The following NCAPD2 variants were observed in gnomAD, a reference collection of about 807,000 sequenced individuals.
The protein encoded by NCAPD2 is non-SMC condensin I complex subunit D2.
In NCAPD2, 100 loss-of-function variants were observed where a neutral mutation model predicts 164.5. The ratio of observed to expected loss-of-function variants is 0.61; its 90% CI spans 0.52 to 0.72. The LOEUF is 0.72. Among genes scored for constraint, NCAPD2 ranks in the 30% least tolerant of loss-of-function variants. The pLI is 0.00. For synonymous variants in NCAPD2, 585 were observed against 642.6 expected (o/e 0.91, Z 1.36); for missense variants, 1,560 against 1,749.2 (o/e 0.89, Z 1.93).
At chr12:6,508,718 A>G (rs1010318336) in intron 2 of NCAPD2, among the ~76,000 whole-genome samples, 6 of 152,180 alleles carry the variant, frequency 3.9e-5, no homozygotes, top group African/African-American at 1.4e-4. Flanking sequence ...TTCCCACAAA[A>G]ATACTGGTTG....
At chr12:6,511,937 T>C (rs1288472608) in intron 6 of NCAPD2, among the ~76,000 whole-genome samples, 1 of 149,806 alleles carries the variant, frequency 6.7e-6, no homozygotes, top group Non-Finnish European at 1.5e-5. Context: ...TGAGCTGAGA[T>C]CGCACCATTG....
Position 6,521,091 on chromosome 12 carries a change from C to T in NCAPD2, c.1695C>T (p.Ile565=). Residue 565 remains isoleucine, a synonymous_variant, in exon 14 of 32, where the codon ATC becomes ATT. Coordinates refer to ENST00000315579, the MANE Select transcript of NCAPD2 (RefSeq NM_014865.4). The stretch of plus-strand genomic sequence containing the variant: ...CAGAGGAGACCAGGCTCTTGAATAT[C>T]TTAGGACTTATCTTCAAAGGTAATC... ...EESEETRLLN[I]LGLIFKGPAA... 1 of 1,614,128 alleles carries T rather than the reference C, an allele frequency of 6.2e-7. No homozygotes were observed. Among genetic ancestry groups the T allele is most frequent in the Non-Finnish European group, 8.5e-7 (1 of 1,179,998 alleles).
In NCAPD2 at chr12:6,517,420, C is replaced by A; in HGVS notation, c.1241C>A (p.Ala414Glu). ...AVVALAVGRL[A>E]DKSVLVCKNA... ...GTGGCTTTAGCTGTGGGACGTCTGG[C>A]AGACAAGTCAGTGCTAGTATGTAAA... The change falls in exon 11 of 32, where the codon GCA (alanine) becomes GAA (glutamate). Residue 414 changes from alanine to glutamate, a missense_variant. Transcript: ENST00000315579. The A allele has an allele frequency of 6.2e-7, 1 of 1,614,218 alleles. No homozygotes were observed. The highest frequency in any genetic ancestry group is 8.5e-7 in the Non-Finnish European group (1 of 1,180,034).
chr12:6,498,905 G>A (rs1189444350), intron 2 of NCAPD2, among the ~76,000 whole-genome samples: 6 of 151,950 alleles, frequency 3.9e-5, no homozygotes, highest in Non-Finnish European at 8.8e-5. Context: ...CGCCTGGCCT[G>A]TTTAACAATA....
chr12:6,510,034 G>T (rs1185096587), intron 3 of NCAPD2, 41 bp from the exon 4 acceptor site: 1 of 1,587,728 alleles, frequency 6.3e-7, no homozygotes, highest in Non-Finnish European at 8.6e-7. Context: ...GGCTCTGCAG[G>T]CTCCTTCCTG....
Position 6,523,315 on chromosome 12 carries a change from C to T in NCAPD2, c.2183C>T (p.Ser728Leu), listed in dbSNP as rs781618742. Residue 728 changes from serine (S) to leucine (L), a missense_variant, in exon 17 of 32, where the codon TCG becomes TTG. Transcript: ENST00000315579. Reference protein sequence around the residue: ...QNLSLLLVDASVGTIQCLEEI... With the variant: ...QNLSLLLVDALVGTIQCLEEI... ...CTCTCTCTGCTGCTAGTGGATGCCT[C>T]GGTTGGGACCATTCAGTGTCTTGAG... The T allele has an allele frequency of 5.0e-6, 8 of 1,613,464 alleles. No individual in the cohort carries two copies. Among genetic ancestry groups the T allele is most frequent in the East Asian group, 2.2e-5 (1 of 44,870 alleles).
At chr12:6,504,230 T>TAC (rs1244264606) in intron 2 of NCAPD2, among the ~76,000 whole-genome samples, 11 of 78,832 alleles carry the variant, frequency 1.4e-4, no homozygotes, top group African/African-American at 5.8e-4. Flanking sequence ...TATAGATATA[T>TAC]ATATATATAT....
intron 29 of NCAPD2, 69 bp from the exon 30 acceptor site, chr12:6,530,622 G>A: frequency 3.1e-6 from 5 of 1,594,936 alleles, no homozygotes; most frequent in African/African-American, 1.3e-5. Context: ...TGTCTTCCAT[G>A]GCCTTGTTTC....
chr12:6,506,784 G>T (rs544264962), intron 2 of NCAPD2, among the ~76,000 whole-genome samples: 1 of 152,100 alleles, frequency 6.6e-6, no homozygotes, highest in Non-Finnish European at 1.5e-5. Flanking sequence ...ATTTAAGGCT[G>T]CAGTAAGCTG....
At chr12:6,514,200 G>C in intron 6 of NCAPD2, 65 bp from the exon 7 acceptor site, 1 of 1,599,606 alleles carries the variant, frequency 6.3e-7, no homozygotes, top group East Asian at 2.2e-5. Flanking sequence ...AATGAATGAG[G>C]CAGGGCTCTG....
chr12:6,530,128 CTTT>C (rs1565548323), intron 29 of NCAPD2, among the ~76,000 whole-genome samples, 170 bp downstream of exon 29: 1 of 152,352 alleles, frequency 6.6e-6, no homozygotes, highest in South Asian at 2.1e-4. Flanking sequence ...GTCTCCAGTT[CTTT>C]TTTTATTACT....
intron 2 of NCAPD2, among the ~76,000 whole-genome samples, chr12:6,509,269 T>A (rs913099731): frequency 3.9e-5 from 6 of 152,168 alleles, no homozygotes; most frequent in Non-Finnish European, 5.9e-5. Context: ...ATTTTATTTT[T>A]TTTTGAGATG....
chr12:6,515,252 A>G (rs773675636), intron 9 of NCAPD2, among the ~76,000 whole-genome samples: 7 of 151,838 alleles, frequency 4.6e-5, no homozygotes, highest in Non-Finnish European at 7.4e-5. Context: ...GAGCATGATC[A>G]TAGCTCATTG....
At chr12:6,504,212 T>TAC (rs1204603476) in intron 2 of NCAPD2, among the ~76,000 whole-genome samples, 5 of 21,736 alleles carry the variant, frequency 2.3e-4, no homozygotes, top group African/African-American at 1.3e-3. Flanking sequence ...TATATATATA[T>TAC]ATATAGATAT....
In NCAPD2 at chr12:6,521,884, A is replaced by T; in HGVS notation, c.1801A>T (p.Asn601Tyr). 1 of 1,614,114 alleles carries T rather than the reference A, an allele frequency of 6.2e-7. No individual in the cohort carries two copies. Among genetic ancestry groups the T allele is most frequent in the Non-Finnish European group, 8.5e-7 (1 of 1,180,020 alleles). ...TGQTVCKNKPNMSDPEESRGN... is the reference protein window; with the variant it reads ...TGQTVCKNKPYMSDPEESRGN... ...ACAGACTGTCTGTAAAAATAAACCC[A>T]ATATGTCGGATCCTGAGGAATCCAG... The change falls in exon 15 of 32, where the codon AAT becomes TAT. Residue 601 changes from asparagine (N) to tyrosine (Y), a missense_variant. Asn to Tyr is a moderately radical substitution (Grantham distance 143, BLOSUM62 -2). Transcript: ENST00000315579.
intron 13 of NCAPD2, among the ~76,000 whole-genome samples, chr12:6,520,566 C>T (rs1212899926): frequency 6.6e-6 from 1 of 152,320 alleles, no homozygotes; most frequent in African/African-American, 2.4e-5. Context: ...CCTGGGCTCA[C>T]GTGTCCCCAT....
intron 13 of NCAPD2, among the ~76,000 whole-genome samples, chr12:6,519,615 C>A (rs554303285): frequency 3.9e-5 from 6 of 152,156 alleles, no homozygotes; most frequent in South Asian, 2.1e-4. Flanking sequence ...AACATGTATT[C>A]TTTTTTTCCC....
rs113958542 is a variant in NCAPD2 at position 6,525,526 on chromosome 12, A to C, written c.2215-57A>C. Reference sequence around the variant, plus strand: ...CGCAATATCATCTTCAGAAAAGCAGACCAAAGATCAAGGAATTGTTCATTT... The same window carrying C: ...CGCAATATCATCTTCAGAAAAGCAGCCCAAAGATCAAGGAATTGTTCATTT... On this transcript the variant is annotated intron_variant, in intron 17 of 31. Coordinates refer to ENST00000315579, the MANE Select transcript of NCAPD2 (RefSeq NM_014865.4). The C allele has an allele frequency of 2.6e-3, 4,088 of 1,563,460 alleles. 115 individuals carry two copies. The South Asian group carries it at 0.038, about 15-fold the overall frequency.
intron 13 of NCAPD2, among the ~76,000 whole-genome samples, chr12:6,520,188 A>C (rs1565544672): frequency 1.3e-5 from 2 of 149,546 alleles, no homozygotes. Context: ...CTCTAAAAAA[A>C]AAAATATATA....
Sources: gnomAD v4.1 joint callset for allele counts (sites outside exome capture counted in the v4.1 genomes callset) on GRCh38, gnomAD v4.1.1 for gene constraint, MANE v1.5 for transcripts, NCBI Gene and HGNC (gene_info 2026-07-23, HGNC 2026-07-21) for gene names.